Variants in TIMM44 observed in about 807,000 individuals in gnomAD.
The protein encoded by TIMM44 is mitochondrial import inner membrane translocase subunit TIM44.
TIMM44 carries 37 observed loss-of-function variants against 63.8 expected under a neutral mutation model. That is an observed-to-expected ratio of 0.58 (90% CI 0.45 to 0.76). The LOEUF (loss-of-function observed/expected upper bound fraction) is 0.76, where lower values mean the gene tolerates loss of function less well. Among genes scored for constraint, TIMM44 ranks in the 30% least tolerant of loss-of-function variants. The pLI, the probability that TIMM44 is intolerant of heterozygous loss-of-function variation, is 0.00. For missense variants in TIMM44, 573 were observed against 603.8 expected (o/e 0.95, Z 0.54); for synonymous variants, 239 against 245.1 (o/e 0.98, Z 0.23).
chr19:7,936,746 T>C (rs1195903106), intron 3 of TIMM44, among the ~76,000 whole-genome samples: 1 of 152,070 alleles, frequency 6.6e-6, no homozygotes, highest in Non-Finnish European at 1.5e-5. Context: ...GACGGGCAGA[T>C]CACTTGAGGC....
Position 7,933,615 on chromosome 19 carries a change from C to A in TIMM44, c.684-45G>T. On this transcript the variant is annotated intron_variant, in intron 6 of 12. Transcript: ENST00000270538. The surrounding 1 kb of genome is among the most constrained non-coding windows in gnomAD (Gnocchi z 4.3). ...CTGGGGTGAGCGGCGGCGCCAGGGCCACCCTGTGCCCTCCTGCGGCTGCAG... is the reference window on the plus strand; with the variant it reads ...CTGGGGTGAGCGGCGGCGCCAGGGCAACCCTGTGCCCTCCTGCGGCTGCAG... 6.5e-7 allele frequency: 1 copy of A among 1,543,886 alleles called. No homozygotes were observed. Among genetic ancestry groups the A allele is most frequent in the Non-Finnish European group, 9.0e-7 (1 of 1,116,454 alleles).
rs1469580622 is a variant in TIMM44, at chr19:7,932,824, G to A, written c.862+16C>T. The A allele has an allele frequency of 6.2e-7, 1 of 1,614,052 alleles. No individual in the cohort carries two copies. The highest frequency in any genetic ancestry group is 8.5e-7 in the Non-Finnish European group (1 of 1,180,016). On this transcript the variant is annotated intron_variant, in intron 8 of 12. Transcript: ENST00000270538. ...CCCCACCACCAGCCTGCGAGGTCCAGGGATGACTCACTCACCCAGCAAGTC... is the reference window on the plus strand; with the variant it reads ...CCCCACCACCAGCCTGCGAGGTCCAAGGATGACTCACTCACCCAGCAAGTC...
intron 12 of TIMM44, 39 bp downstream of exon 12, chr19:7,927,618 C>A: frequency 6.3e-7 from 1 of 1,575,370 alleles, no homozygotes; most frequent in African/African-American, 1.3e-5. Context: ...TGGGGACAGG[C>A]GGTGTCATGT....
rs1984085134 is a variant in TIMM44, at chr19:7,934,465, C to T, written c.394-227G>A. Among the ~76,000 whole-genome samples the T allele has an allele frequency of 7.4e-6, 1 of 134,304 alleles. No homozygotes were observed. Among genetic ancestry groups the T allele is most frequent in the Non-Finnish European group, 1.7e-5 (1 of 57,902 alleles). 88.1% of individuals were successfully genotyped at this position (134,304 alleles called of 152,430 possible). Reference sequence around the variant, plus strand: ...CCCCAGAGCCACGAGCACACCGGCACCCCCAGAGCCATGAGCACACCGGCA... The same window carrying T: ...CCCCAGAGCCACGAGCACACCGGCATCCCCAGAGCCATGAGCACACCGGCA... On this transcript the variant is annotated intron_variant, in intron 4 of 12. Coordinates refer to ENST00000270538, the MANE Select transcript of TIMM44 (RefSeq NM_006351.4). This position sits in a 1 kb window ranked among gnomAD's most constrained non-coding sequence, Gnocchi z 5.3.
chr19:7,930,383 A>G (rs1316531240), intron 10 of TIMM44, among the ~76,000 whole-genome samples: 1 of 139,818 alleles, frequency 7.2e-6, no homozygotes, highest in Non-Finnish European at 1.5e-5. Flanking sequence ...ACCTCAGCTC[A>G]CTGTAACCTC....
At position 7,933,943 on chromosome 19, in the gene TIMM44, G is replaced by T; in HGVS notation, c.604C>A (p.Arg202=). 1 of 1,614,122 alleles carries T rather than the reference G, an allele frequency of 6.2e-7. No homozygotes were observed. Among genetic ancestry groups the T allele is most frequent in the Non-Finnish European group, 8.5e-7 (1 of 1,180,020 alleles). ...DSVLGQTGPY[R]RPQRLRKRTE... is the part of the protein sequence containing the mutation. ...CTCTTCCGGAGTCGCTGGGGCCTCC[G>T]GTAGGGCCCGGTCTGTCCCAGGACG... Residue 202 remains arginine (R), a synonymous_variant, in exon 6 of 13, where the codon CGG becomes AGG. Transcript: ENST00000270538. This position sits in a 1 kb window ranked among gnomAD's most constrained non-coding sequence, Gnocchi z 4.3.
At chr19:7,939,221 T>C (rs949898847) in intron 2 of TIMM44, among the ~76,000 whole-genome samples, 1 of 152,136 alleles carries the variant, frequency 6.6e-6, no homozygotes, top group African/African-American at 2.4e-5. Flanking sequence ...AATAGAAAAC[T>C]GTGTGCCAGA....
At position 7,934,821 on chromosome 19, in the gene TIMM44, C is replaced by T. The variant is rs546175544; in HGVS notation, c.393+244G>A. On this transcript the variant is annotated intron_variant, in intron 4 of 12. Coordinates refer to ENST00000270538, the MANE Select transcript of TIMM44 (RefSeq NM_006351.4). The surrounding 1 kb of genome is among the most constrained non-coding windows in gnomAD (Gnocchi z 5.3). ...AGGAAAAACATTTTCATGTTCTCCTCGAGTCCTGGCTAGCAGCACTTACTG... is the reference window on the plus strand; with the variant it reads ...AGGAAAAACATTTTCATGTTCTCCTTGAGTCCTGGCTAGCAGCACTTACTG... Among the ~76,000 whole-genome samples, 3 of 152,174 alleles carry T rather than the reference C, an allele frequency of 2.0e-5. No individual in the cohort carries two copies. Among genetic ancestry groups the T allele is most frequent in the Non-Finnish European group, 2.9e-5 (2 of 68,018 alleles).
chr19:7,940,439 G>A (rs967552106), intron 2 of TIMM44, among the ~76,000 whole-genome samples: 6 of 152,014 alleles, frequency 3.9e-5, no homozygotes, highest in Non-Finnish European at 5.9e-5. Context: ...AGTGTGTGGC[G>A]GGGGACTAGA....
intron 9 of TIMM44, chr19:7,932,301 AG>A (rs1984007480): frequency 2.5e-6 from 1 of 396,428 alleles, no homozygotes; most frequent in African/African-American, 2.0e-5. Flanking sequence ...ACTTCTCCCA[AG>A]GGGTGAGGGG....
rs899305049 is a variant in TIMM44, at chr19:7,941,198, C to G, written c.46-1G>C. 1.9e-6 allele frequency: 3 copies of G among 1,610,734 alleles called. No individual in the cohort carries two copies. The highest frequency in any genetic ancestry group is 2.5e-6 in the Non-Finnish European group (3 of 1,177,052). On this transcript the variant is annotated splice_acceptor_variant, in intron 1 of 12. Coordinates refer to ENST00000270538, the MANE Select transcript of TIMM44 (RefSeq NM_006351.4). LOFTEE classifies it high-confidence loss of function. ...ATTGGATTCCACTGCCGAGGCATCT[C>G]TAATTGGGGGGAGAGAAGAGAAAGA...
Position 7,933,603 on chromosome 19 carries a change from C to A in TIMM44, c.684-33G>T. 1 of 1,589,580 alleles carries A rather than the reference C, an allele frequency of 6.3e-7. No homozygotes were observed. The highest frequency in any genetic ancestry group is 2.2e-5 in the East Asian group (1 of 44,716). On this transcript the variant is annotated intron_variant, in intron 6 of 12. Transcript: ENST00000270538. This position sits in a 1 kb window ranked among gnomAD's most constrained non-coding sequence, Gnocchi z 4.3. ...AGAGGGTGGGCCCTGGGGTGAGCGG[C>A]GGCGCCAGGGCCACCCTGTGCCCTC...
Position 7,934,760 on chromosome 19 carries a change from G to C in TIMM44, c.393+305C>G, listed in dbSNP as rs34024100. Among the ~76,000 whole-genome samples the C allele has an allele frequency of 0.11, 16,182 of 152,188 alleles. 1,123 individuals carry two copies. Among genetic ancestry groups the C allele is most frequent in the African/African-American group, 0.2 (8,404 of 41,508 alleles). ...TGCCTCCCGCCTCTACCCTCGGGAG[G>C]GGGTGGAAGCGGCCCCTCTCCTCCT... On this transcript the variant is annotated intron_variant, in intron 4 of 12. Transcript: ENST00000270538. This position sits in a 1 kb window ranked among gnomAD's most constrained non-coding sequence, Gnocchi z 5.3.
At chr19:7,929,465 C>G (rs905760846) in intron 10 of TIMM44, among the ~76,000 whole-genome samples, 25 of 152,320 alleles carry the variant, frequency 1.6e-4, no homozygotes, top group Non-Finnish European at 2.9e-4. Context: ...ATCCGTGCCC[C>G]ATAGGTGGCG....
chr19:7,941,705 A>G (rs541394872), intron 1 of TIMM44, among the ~76,000 whole-genome samples: 1 of 152,128 alleles, frequency 6.6e-6, no homozygotes, highest in South Asian at 2.1e-4. Flanking sequence ...CTGTACCTCC[A>G]GGGCCTACAT....
At position 7,936,071 on chromosome 19, in the gene TIMM44, C is replaced by G. The variant is rs148876428; in HGVS notation, c.313-926G>C. ...CAGGAGGCTGAGGTGGGAGAATCAC[C>G]TGAACATGGGAAGGTCAAAACTGCA... is the stretch of plus-strand genomic sequence containing the variant. On this transcript the variant is annotated intron_variant, in intron 3 of 12. Coordinates refer to ENST00000270538, the MANE Select transcript of TIMM44 (RefSeq NM_006351.4). Among the ~76,000 whole-genome samples the G allele has an allele frequency of 2.6e-4, 39 of 152,252 alleles. 1 individual carries two copies. The East Asian group carries it at 6.9e-3, about 27-fold the overall frequency.
intron 10 of TIMM44, chr19:7,928,983 G>A (rs1206941594): frequency 6.8e-6 from 1 of 146,106 alleles, no homozygotes; most frequent in African/African-American, 2.5e-5. Context: ...TGCTGGATTA[G>A]TCACCATGCA....
rs570611807 is a variant in TIMM44 at position 7,934,494 on chromosome 19, C to T, written c.394-256G>A. The stretch of plus-strand genomic sequence containing the variant: ...CAGAGCCATGAGCACACCGGCACCC[C>T]CAGAGCCATGAGCACACCGCCACGG... On this transcript the variant is annotated intron_variant, in intron 4 of 12. Coordinates refer to ENST00000270538, the MANE Select transcript of TIMM44 (RefSeq NM_006351.4). This position sits in a 1 kb window ranked among gnomAD's most constrained non-coding sequence, Gnocchi z 5.3. 1.2e-3 allele frequency among the ~76,000 whole-genome samples: 177 copies of T among 152,174 alleles called. No individual in the cohort carries two copies. Among genetic ancestry groups the T allele is most frequent in the African/African-American group, 4.1e-3 (170 of 41,510 alleles).
chr19:7,928,250 C>T (rs904876424), intron 10 of TIMM44, 84 bp from the exon 11 acceptor site: 7 of 1,222,394 alleles, frequency 5.7e-6, no homozygotes, highest in Admixed American at 2.0e-5. Context: ...CACACCCTGG[C>T]GCCCAGGTGC....
Sources: gnomAD v4.1 joint callset for allele counts (sites outside exome capture counted in the v4.1 genomes callset) on GRCh38, gnomAD v4.1.1 for gene constraint, Gnocchi (gnomAD v3.1) non-coding constraint, MANE v1.5 for transcripts, NCBI Gene and HGNC (gene_info 2026-07-23, HGNC 2026-07-21) for gene names.